Variants in SUPT3H observed in about 807,000 individuals in gnomAD.
SUPT3H encodes SPT3 homolog, SAGA and STAGA complex component, also known as transcription initiation protein SPT3 homolog.
SUPT3H carries 44 observed loss-of-function variants against 44.3 expected under a neutral mutation model. The ratio of observed to expected loss-of-function variants is 0.99; its 90% CI spans 0.78 to 1.28. The LOEUF is 1.28. Ranked by LOEUF, SUPT3H falls within the 50% of genes most tolerant of loss-of-function variation. The pLI, the probability that SUPT3H is intolerant of heterozygous loss-of-function variation, is 0.00. For synonymous variants in SUPT3H, 124 were observed against 125.6 expected, an observed-to-expected ratio of 0.99 and a Z score of 0.09; for missense variants, 380 against 387.1, an observed-to-expected ratio of 0.98 and a Z score of 0.15.
chr6:45,176,825 G>C (rs927601187), intron 2 of SUPT3H, among the ~76,000 whole-genome samples: 1 of 151,748 alleles, frequency 6.6e-6, no homozygotes, highest in Non-Finnish European at 1.5e-5. Context: ...CTGACACAAG[G>C]CCAGGTACTC....
In SUPT3H at chr6:44,841,142, C is replaced by T. The variant is rs538145766; in HGVS notation, c.913-11285G>A. On this transcript the variant is annotated intron_variant, in intron 10 of 10. Coordinates refer to ENST00000371459, the MANE Select transcript of SUPT3H (RefSeq NM_003599.4). ...GGAGAACCATGAGCCAATAAAACCT[C>T]TTTTCTTTATAAATTACCTAGTCTC... Among the ~76,000 whole-genome samples the T allele has an allele frequency of 2.0e-5, 3 of 152,268 alleles. No individual in the cohort carries two copies. In the South Asian group the frequency reaches 6.2e-4, roughly 32 times the overall value.
chr6:45,254,844 G>C (rs958745615), intron 2 of SUPT3H, among the ~76,000 whole-genome samples: 2 of 152,060 alleles, frequency 1.3e-5, no homozygotes, highest in African/African-American at 4.8e-5. Context: ...GTTTTCAATT[G>C]TGTGCCATTC....
At chr6:44,950,713 C>T (rs996523245) in intron 9 of SUPT3H, among the ~76,000 whole-genome samples, 1 of 151,902 alleles carries the variant, frequency 6.6e-6, no homozygotes, top group African/African-American at 2.4e-5. Context: ...AAGAATGATA[C>T]CCCTTAAAAT....
intron 2 of SUPT3H, among the ~76,000 whole-genome samples, chr6:45,326,750 T>A (rs537646140): frequency 2.0e-5 from 3 of 151,984 alleles, no homozygotes; most frequent in African/African-American, 7.2e-5. Flanking sequence ...CAAAAGCAGA[T>A]AATGAATAGC....
intron 2 of SUPT3H, among the ~76,000 whole-genome samples, chr6:45,303,671 T>A (rs1353515681): frequency 2.8e-3 from 311 of 112,778 alleles, no homozygotes; most frequent in Non-Finnish European, 3.1e-3. Context: ...ATTCTAGAAG[T>A]AAAAAAAAAA....
chr6:44,885,439 A>G (rs1210344816), intron 10 of SUPT3H, among the ~76,000 whole-genome samples: 2 of 152,166 alleles, frequency 1.3e-5, no homozygotes, highest in African/African-American at 2.4e-5. Flanking sequence ...ACGATCAGAC[A>G]GCAGCATTCG....
At chr6:45,213,671 ATAAT>A (rs926330581) in intron 2 of SUPT3H, among the ~76,000 whole-genome samples, 4 of 152,140 alleles carry the variant, frequency 2.6e-5, no homozygotes, top group African/African-American at 7.2e-5. Flanking sequence ...ATATCCTACG[ATAAT>A]TAATCAATCA....
intron 6 of SUPT3H, among the ~76,000 whole-genome samples, chr6:44,992,766 T>G (rs1780769829): frequency 6.6e-6 from 1 of 152,158 alleles, no homozygotes; most frequent in Non-Finnish European, 1.5e-5. Flanking sequence ...GTACTAATAT[T>G]GTTTTTAAAA....
chr6:45,173,149 C>A (rs576883791), intron 2 of SUPT3H, among the ~76,000 whole-genome samples: 1 of 152,158 alleles, frequency 6.6e-6, no homozygotes, highest in Admixed American at 6.5e-5. Flanking sequence ...TTAAAAAAAA[C>A]ACTGTTTTAA....
intron 2 of SUPT3H, among the ~76,000 whole-genome samples, chr6:45,306,369 T>C (rs1783006003): frequency 6.6e-6 from 1 of 152,192 alleles, no homozygotes; most frequent in Non-Finnish European, 1.5e-5. Flanking sequence ...TATTAGCCAC[T>C]GAGGATTCAC....
chr6:45,196,247 T>C (rs975453677), intron 2 of SUPT3H, among the ~76,000 whole-genome samples: 1 of 152,098 alleles, frequency 6.6e-6, no homozygotes, highest in African/African-American at 2.4e-5. Context: ...GTTTAAAATT[T>C]ATTTTTTTAG....
chr6:44,826,652 T>C (rs1432441093), downstream of SUPT3H, among the ~76,000 whole-genome samples: 3 of 152,220 alleles, frequency 2.0e-5, no homozygotes, highest in African/African-American at 7.2e-5. Context: ...CTGGAAAGCA[T>C]TGCCTGATTT....
chr6:45,084,532 C>T (rs1474170551), intron 3 of SUPT3H, among the ~76,000 whole-genome samples: 1 of 152,164 alleles, frequency 6.6e-6, no homozygotes, highest in Non-Finnish European at 1.5e-5. Context: ...TAAAGTAGTT[C>T]AACCACTGTG....
chr6:45,055,850 T>C (rs1371753184), intron 3 of SUPT3H, among the ~76,000 whole-genome samples: 4 of 152,172 alleles, frequency 2.6e-5, no homozygotes, highest in Non-Finnish European at 5.9e-5. Flanking sequence ...AAAAAGCTTC[T>C]GCACAGCAAA....
At chr6:45,269,027 A>G (rs1311347125) in intron 2 of SUPT3H, among the ~76,000 whole-genome samples, 1 of 152,190 alleles carries the variant, frequency 6.6e-6, no homozygotes, top group Non-Finnish European at 1.5e-5. Flanking sequence ...TGTTCTGGAA[A>G]GTCAATCACC....
chr6:45,360,152 C>G (rs576305328), intron 2 of SUPT3H, among the ~76,000 whole-genome samples: 88 of 152,318 alleles, frequency 5.8e-4, no homozygotes, highest in African/African-American at 2.0e-3. Flanking sequence ...TGGAGTCAGA[C>G]TTCCTGGCAT....
chr6:45,101,623 C>T (rs1798588047), intron 3 of SUPT3H, among the ~76,000 whole-genome samples: 1 of 151,990 alleles, frequency 6.6e-6, no homozygotes. Context: ...TTGTATATTT[C>T]CAAATAGCTA....
intron 2 of SUPT3H, among the ~76,000 whole-genome samples, chr6:45,164,611 G>A (rs1280980448): frequency 1.3e-5 from 2 of 151,926 alleles, no homozygotes; most frequent in Non-Finnish European, 2.9e-5. Context: ...TTTTTGCTTG[G>A]CCTAAGCCTC....
chr6:45,335,990 T>C (rs528698054), intron 2 of SUPT3H, among the ~76,000 whole-genome samples: 1 of 151,320 alleles, frequency 6.6e-6, no homozygotes, highest in Non-Finnish European at 1.5e-5. Context: ...TGCTACAGTG[T>C]ATTTCTAAAG....
Sources: gnomAD v4.1 joint callset for allele counts (sites outside exome capture counted in the v4.1 genomes callset) on GRCh38, gnomAD v4.1.1 for gene constraint, MANE v1.5 for transcripts, NCBI Gene and HGNC (gene_info 2026-07-23, HGNC 2026-07-21) for gene names.